Variants in MBNL1 observed in about 807,000 individuals in gnomAD.
The protein encoded by MBNL1 is muscleblind like splicing regulator 1.
A neutral mutation model predicts 42.2 loss-of-function variants in MBNL1; 8 were observed. That is an observed-to-expected ratio of 0.19 (90% confidence interval 0.11 to 0.34). The LOEUF (loss-of-function observed/expected upper bound fraction) is 0.34. Among genes scored for constraint, MBNL1 ranks in the 10% least tolerant of loss-of-function variants. The probability of loss-of-function intolerance (pLI) is 1.00; values close to 1 mark genes in which losing one functional copy is unlikely to be tolerated. For synonymous variants in MBNL1, 169 were observed against 173.9 expected, an observed-to-expected ratio of 0.97 and a Z score of 0.22; for missense variants, 309 against 495.3, an observed-to-expected ratio of 0.62 and a Z score of 3.57.
chr3:152,304,290 A>G (rs2061944939), intron 2 of MBNL1, among the ~76,000 whole-genome samples: 1 of 152,194 alleles, frequency 6.6e-6, no homozygotes, highest in African/African-American at 2.4e-5. Flanking sequence ...AAATTTTAGA[A>G]GATCCTCTGT....
At chr3:152,373,907 A>G (rs139668458) in intron 2 of MBNL1, among the ~76,000 whole-genome samples, 1,725 of 152,338 alleles carry the variant, frequency 0.011, 24 homozygotes, top group African/African-American at 0.039. Flanking sequence ...TAGAGAGAAT[A>G]GTGTAATATA....
At chr3:152,438,317 A>C (rs1290113075) in intron 4 of MBNL1, among the ~76,000 whole-genome samples, 1 of 152,214 alleles carries the variant, frequency 6.6e-6, no homozygotes, top group East Asian at 1.9e-4. Context: ...ATAGTGCCCA[A>C]ACTCATGACT....
chr3:152,382,210 T>C (rs2097205293), intron 2 of MBNL1, among the ~76,000 whole-genome samples: 2 of 152,114 alleles, frequency 1.3e-5, no homozygotes, highest in Admixed American at 1.3e-4. Flanking sequence ...ACTCTGATCC[T>C]GTTTGTCTTA....
At chr3:152,294,134 A>G (rs1270486703) in intron 1 of MBNL1, among the ~76,000 whole-genome samples, 1 of 152,004 alleles carries the variant, frequency 6.6e-6, no homozygotes, top group East Asian at 1.9e-4. Flanking sequence ...TTCTGATATC[A>G]TTCAAAAAGA....
At chr3:152,362,868 A>G (rs2096077846) in intron 2 of MBNL1, among the ~76,000 whole-genome samples, 1 of 152,196 alleles carries the variant, frequency 6.6e-6, no homozygotes, top group Non-Finnish European at 1.5e-5. Flanking sequence ...CTGTACTTGT[A>G]GAGATATAGA....
intron 1 of MBNL1, among the ~76,000 whole-genome samples, chr3:152,291,888 C>T (rs753831871): frequency 2.7e-4 from 41 of 152,134 alleles, no homozygotes; most frequent in Non-Finnish European, 5.3e-4. Flanking sequence ...GCAGTACTCC[C>T]ATTTCAGCCT....
At chr3:152,382,599 A>G (rs2097224720) in intron 2 of MBNL1, among the ~76,000 whole-genome samples, 1 of 152,158 alleles carries the variant, frequency 6.6e-6, no homozygotes, top group Non-Finnish European at 1.5e-5. Flanking sequence ...ATGCTTCTGA[A>G]TATGTATCCC....
In MBNL1 at chr3:152,432,703, A is replaced by C; in HGVS notation, c.346-14A>C. ...GACCTGCATGTTAAATTTTGCTTTT[A>C]TTTTATTTTTCAGCCAATGTTTTCA... On this transcript the variant is annotated splice_polypyrimidine_tract_variant and intron_variant, in intron 3 of 9. Transcript: ENST00000324210. 1 of 1,613,674 alleles carries C rather than the reference A, an allele frequency of 6.2e-7. No homozygotes were observed. The highest frequency in any genetic ancestry group is 1.1e-5 in the South Asian group (1 of 91,074).
chr3:152,418,232 G>C (rs1283453166), intron 3 of MBNL1, among the ~76,000 whole-genome samples: 21 of 152,170 alleles, frequency 1.4e-4, no homozygotes, highest in Admixed American at 1.4e-3. Flanking sequence ...GTTCAGAAGG[G>C]TTAAGAAGTT....
Position 152,445,551 on chromosome 3 carries a change from T to G in MBNL1, c.807+12T>G. 6.2e-7 allele frequency: 1 copy of G among 1,602,162 alleles called. No individual in the cohort carries two copies. The highest frequency in any genetic ancestry group is 2.2e-5 in the East Asian group (1 of 44,648). Reference sequence around the variant, plus strand: ...CCGCAGCTGCCATGGTGAGTAGAGATATCAGCTCTCTCCTTGTTAGCAGTC... The same window carrying G: ...CCGCAGCTGCCATGGTGAGTAGAGAGATCAGCTCTCTCCTTGTTAGCAGTC... On this transcript the variant is annotated intron_variant, in intron 5 of 9. Transcript: ENST00000324210.
chr3:152,322,342 C>T (rs1031070428), intron 2 of MBNL1, among the ~76,000 whole-genome samples: 1 of 151,986 alleles, frequency 6.6e-6, no homozygotes, highest in African/African-American at 2.4e-5. Flanking sequence ...CTTTCCTTGC[C>T]CCATCCCCAA....
At chr3:152,400,739 G>C (rs1157476474) in intron 2 of MBNL1, among the ~76,000 whole-genome samples, 1 of 152,202 alleles carries the variant, frequency 6.6e-6, no homozygotes, top group Non-Finnish European at 1.5e-5. Context: ...CATTGCACTT[G>C]AGTGCCCTTT....
At chr3:152,279,360 A>G (rs756219317) in intron 1 of MBNL1, among the ~76,000 whole-genome samples, 3 of 152,062 alleles carry the variant, frequency 2.0e-5, no homozygotes, top group Admixed American at 1.3e-4. Flanking sequence ...ATACTTCAAA[A>G]CCAGCATTCC....
At chr3:152,320,601 T>C (rs950033835) in intron 2 of MBNL1, among the ~76,000 whole-genome samples, 1 of 152,084 alleles carries the variant, frequency 6.6e-6, no homozygotes, top group Non-Finnish European at 1.5e-5. Flanking sequence ...ACTATTCAGC[T>C]TAACACAGAA....
chr3:152,451,821 T>C (rs1478693972), intron 6 of MBNL1, among the ~76,000 whole-genome samples: 1 of 152,042 alleles, frequency 6.6e-6, no homozygotes, highest in African/African-American at 2.4e-5. Flanking sequence ...CATTATCTCA[T>C]TTTTTTTCAC....
intron 2 of MBNL1, among the ~76,000 whole-genome samples, chr3:152,346,877 TAATTAA>T (rs2094329024): frequency 1.1e-5 from 1 of 91,362 alleles, no homozygotes; most frequent in South Asian, 3.7e-4. Flanking sequence ...CAAATCACTT[TAATTAA>T]AAAAAAAAAA....
chr3:152,346,006 G>A (rs2094175537), intron 2 of MBNL1, among the ~76,000 whole-genome samples: 2 of 152,066 alleles, frequency 1.3e-5, no homozygotes, highest in Non-Finnish European at 2.9e-5. Flanking sequence ...AGCAGAAGTG[G>A]TTATTTAGCT....
intron 2 of MBNL1, among the ~76,000 whole-genome samples, chr3:152,383,789 C>T (rs929502073): frequency 6.6e-6 from 1 of 152,080 alleles, no homozygotes; most frequent in Non-Finnish European, 1.5e-5. Flanking sequence ...AAAAATAACA[C>T]CTAGCAAAAA....
chr3:152,341,809 T>C (rs1349399495), intron 2 of MBNL1, among the ~76,000 whole-genome samples: 2 of 152,156 alleles, frequency 1.3e-5, no homozygotes, highest in South Asian at 2.1e-4. Context: ...GTGGCAAATA[T>C]AGGGATGAGC....
Sources: gnomAD v4.1 joint callset for allele counts (sites outside exome capture counted in the v4.1 genomes callset) on GRCh38, gnomAD v4.1.1 for gene constraint, MANE v1.5 for transcripts, NCBI Gene and HGNC (gene_info 2026-07-23, HGNC 2026-07-21) for gene names.